The following PDZRN4 variants were observed in gnomAD, a reference collection of about 807,000 sequenced individuals.
PDZRN4 encodes the protein PDZ domain-containing RING finger protein 4.
PDZRN4 carries 70 observed loss-of-function variants against 99.0 expected under a neutral mutation model. The observed-to-expected ratio is 0.71, with a 90% CI of 0.58 to 0.86. The LOEUF is 0.86. Ranked by LOEUF, PDZRN4 falls within the 40% of genes least tolerant of loss-of-function variation. The pLI is 0.00. For missense variants in PDZRN4, 1,474 were observed against 1,331.2 expected (o/e 1.11, Z -1.67); for synonymous variants, 551 against 501.6 (o/e 1.10, Z -1.32).
chr12:41,295,518 A>G (rs2120918880), intron 3 of PDZRN4, among the ~76,000 whole-genome samples: 1 of 152,286 alleles, frequency 6.6e-6, no homozygotes, highest in African/African-American at 2.4e-5. Context: ...CACTATCCCT[A>G]TATCACCCCC....
intron 2 of PDZRN4, among the ~76,000 whole-genome samples, 200 bp downstream of exon 2, chr12:41,191,744 TTTTA>T (rs146409787): frequency 0.033 from 4,047 of 121,318 alleles, 101 homozygotes; most frequent in African/African-American, 0.08. Flanking sequence ...CATACCCAGA[TTTTA>T]TTTATTTATT....
At chr12:41,539,914 T>C (rs1938818422) in intron 5 of PDZRN4, among the ~76,000 whole-genome samples, 1 of 152,110 alleles carries the variant, frequency 6.6e-6, no homozygotes, top group Non-Finnish European at 1.5e-5. Context: ...GATATTCAGG[T>C]CTACTAATTG....
intron 3 of PDZRN4, among the ~76,000 whole-genome samples, chr12:41,495,504 CTCT>C (rs928103284): frequency 1.3e-5 from 2 of 152,024 alleles, no homozygotes; most frequent in Non-Finnish European, 2.9e-5. Context: ...TTTTACAGCT[CTCT>C]TCATCCTCCT....
At chr12:41,527,115 T>C (rs1565606421) in intron 5 of PDZRN4, among the ~76,000 whole-genome samples, 1 of 152,188 alleles carries the variant, frequency 6.6e-6, no homozygotes, top group Non-Finnish European at 1.5e-5. Flanking sequence ...GAGAAGTCAG[T>C]GGCTGACTCT....
intron 3 of PDZRN4, among the ~76,000 whole-genome samples, chr12:41,287,929 C>G (rs956432423): frequency 6.6e-6 from 1 of 152,106 alleles, no homozygotes; most frequent in Non-Finnish European, 1.5e-5. Context: ...AAAGAAGTGG[C>G]CTTTTGTTTG....
chr12:41,351,474 G>T (rs914257356), intron 3 of PDZRN4, among the ~76,000 whole-genome samples: 13 of 152,180 alleles, frequency 8.5e-5, no homozygotes, highest in Middle Eastern at 3.4e-3. Context: ...TTGGCTTATG[G>T]TTCTATAGGC....
At chr12:41,219,790 T>A (rs1950942003) in intron 3 of PDZRN4, among the ~76,000 whole-genome samples, 1 of 152,166 alleles carries the variant, frequency 6.6e-6, no homozygotes, top group African/African-American at 2.4e-5. Context: ...CTCAAAGCTG[T>A]GTTATGCATT....
At chr12:41,498,509 C>T (rs1197333061) in intron 3 of PDZRN4, among the ~76,000 whole-genome samples, 1 of 152,092 alleles carries the variant, frequency 6.6e-6, no homozygotes, top group Non-Finnish European at 1.5e-5. Flanking sequence ...AGAGAGGATG[C>T]CAGAGAGCAA....
At chr12:41,540,588 A>G (rs1049789930) in intron 5 of PDZRN4, among the ~76,000 whole-genome samples, 1 of 152,204 alleles carries the variant, frequency 6.6e-6, no homozygotes, top group Admixed American at 6.5e-5. Flanking sequence ...GTCATTCCTC[A>G]TCAGCATATA....
intron 3 of PDZRN4, among the ~76,000 whole-genome samples, chr12:41,395,374 A>C (rs1427231587): frequency 6.6e-6 from 1 of 152,198 alleles, no homozygotes; most frequent in African/African-American, 2.4e-5. Context: ...GGTCCATAGC[A>C]ATTCTGAAAT....
At chr12:41,303,151 G>A (rs1951548140) in intron 3 of PDZRN4, among the ~76,000 whole-genome samples, 1 of 152,088 alleles carries the variant, frequency 6.6e-6, no homozygotes, top group South Asian at 2.1e-4. Context: ...GGTCTTCAGG[G>A]AGACTCCACA....
At chr12:41,306,739 C>T (rs909889772) in intron 3 of PDZRN4, among the ~76,000 whole-genome samples, 1 of 152,110 alleles carries the variant, frequency 6.6e-6, no homozygotes, top group South Asian at 2.1e-4. Flanking sequence ...CAGGAGAAAC[C>T]AAGCCACTCC....
intron 6 of PDZRN4, among the ~76,000 whole-genome samples, chr12:41,555,004 C>T (rs1028638086): frequency 3.6e-5 from 5 of 137,988 alleles, no homozygotes; most frequent in East Asian, 2.2e-4. Context: ...GTCAGGAGAT[C>T]AAGACCATCC....
At chr12:41,541,205 C>CA (rs1565610014) in intron 5 of PDZRN4, among the ~76,000 whole-genome samples, 1 of 151,960 alleles carries the variant, frequency 6.6e-6, no homozygotes, top group East Asian at 1.9e-4. Context: ...GCTGGGAATA[C>CA]GGGTGTGAGC....
chr12:41,358,307 A>G (rs73274413), intron 3 of PDZRN4, among the ~76,000 whole-genome samples: 5,698 of 152,026 alleles, frequency 0.037, 363 homozygotes, highest in African/African-American at 0.13. Flanking sequence ...GAACTCTCAT[A>G]TATATTTCCT....
chr12:41,388,167 A>G (rs756477826), intron 3 of PDZRN4, among the ~76,000 whole-genome samples: 3 of 152,146 alleles, frequency 2.0e-5, no homozygotes, highest in Non-Finnish European at 2.9e-5. Context: ...AACTAACACA[A>G]GAACAGAAAA....
intron 3 of PDZRN4, among the ~76,000 whole-genome samples, chr12:41,243,476 A>G (rs971425923): frequency 6.6e-6 from 1 of 152,220 alleles, no homozygotes; most frequent in African/African-American, 2.4e-5. Flanking sequence ...GGTAATGACA[A>G]GGCAACTAGC....
At chr12:41,400,761 C>A (rs1258964562) in intron 3 of PDZRN4, among the ~76,000 whole-genome samples, 1 of 152,042 alleles carries the variant, frequency 6.6e-6, no homozygotes, top group Non-Finnish European at 1.5e-5. Flanking sequence ...TATAAAAGTG[C>A]CTTTAGGAAC....
At chr12:41,364,652 C>T (rs986374939) in intron 3 of PDZRN4, among the ~76,000 whole-genome samples, 4 of 152,002 alleles carry the variant, frequency 2.6e-5, no homozygotes, top group Non-Finnish European at 5.9e-5. Flanking sequence ...CCCTACTAAA[C>T]AGGTTCCATT....
Sources: allele counts gnomAD v4.1 joint callset (sites outside exome capture counted in the v4.1 genomes callset), GRCh38; gene constraint gnomAD v4.1.1; transcripts MANE v1.5; gene names NCBI Gene and HGNC (gene_info 2026-07-23, HGNC 2026-07-21).